GRID2: variants seen among roughly 807,000 people sequenced by gnomAD.
The protein encoded by GRID2 is glutamate receptor ionotropic, delta-2.
Under a neutral mutation model 114.8 loss-of-function variants are expected in GRID2, and 33 were observed. The ratio of observed to expected loss-of-function variants is 0.29; its 90% CI spans 0.22 to 0.38. The LOEUF is 0.38. Among genes scored for constraint, GRID2 ranks in the 10% least tolerant of loss-of-function variants. GRID2 has a pLI of 1.00. For missense variants in GRID2, 1,184 were observed against 1,257.7 expected (o/e 0.94, Z 0.89); for synonymous variants, 505 against 449.9 (o/e 1.12, Z -1.55).
At chr4:93,677,297 C>T (rs1035942712) in intron 14 of GRID2, among the ~76,000 whole-genome samples, 3 of 152,044 alleles carry the variant, frequency 2.0e-5, no homozygotes, top group Non-Finnish European at 4.4e-5. Context: ...GGGTGGAGCC[C>T]ACCACAGCTC....
intron 8 of GRID2, among the ~76,000 whole-genome samples, chr4:93,321,478 A>G (rs149635557): frequency 1.3e-5 from 2 of 152,100 alleles, no homozygotes; most frequent in African/African-American, 4.8e-5. Context: ...AGGGAAGAGG[A>G]TGTGTACAAT....
rs887835907 is a variant in GRID2 at position 92,703,466 on chromosome 4, CT to C, written c.244+113186del. Among the ~76,000 whole-genome samples, 22 of 151,884 alleles carry C rather than the reference CT, an allele frequency of 1.4e-4. 2 individuals carry two copies. The highest frequency in any genetic ancestry group is 1.2e-3 in the Admixed American group (19 of 15,248). On this transcript the variant is annotated intron_variant, in intron 2 of 15. Transcript: ENST00000282020. ...TGATGAAGGAACTGCCTTTAAAGAA[CT>C]TTTTTAATGTCCTTGTGACCTCCTA...
chr4:92,390,415 T>C (rs566881578), intron 1 of GRID2, among the ~76,000 whole-genome samples: 36 of 152,198 alleles, frequency 2.4e-4, no homozygotes, highest in African/African-American at 7.9e-4. Flanking sequence ...AAATATAGAA[T>C]TTAAGAAGAG....
chr4:92,886,792 A>AT (rs1328494477), intron 2 of GRID2, among the ~76,000 whole-genome samples: 1 of 151,776 alleles, frequency 6.6e-6, no homozygotes, highest in African/African-American at 2.4e-5. Flanking sequence ...CGTCCGGCTA[A>AT]TTTTTTGTAT....
intron 1 of GRID2, among the ~76,000 whole-genome samples, chr4:92,562,816 A>G (rs1320933435): frequency 6.6e-6 from 1 of 152,210 alleles, no homozygotes; most frequent in African/African-American, 2.4e-5. Context: ...CTATATTAAA[A>G]TATGTAATCG....
chr4:93,541,808 T>C (rs367723836), intron 13 of GRID2, among the ~76,000 whole-genome samples: 1 of 152,314 alleles, frequency 6.6e-6, no homozygotes, highest in South Asian at 2.1e-4. Context: ...CGTTTCATGA[T>C]ATCACTAATG....
At chr4:93,363,407 C>T (rs80181803) in intron 8 of GRID2, among the ~76,000 whole-genome samples, 126 of 152,190 alleles carry the variant, frequency 8.3e-4, no homozygotes, top group Middle Eastern at 3.4e-3. Flanking sequence ...ATGATTTTGT[C>T]CATTACAGCT....
intron 2 of GRID2, among the ~76,000 whole-genome samples, chr4:92,965,475 A>G (rs1471713897): frequency 1.1e-5 from 1 of 88,532 alleles, no homozygotes; most frequent in Admixed American, 1.4e-4. Context: ...AAAAAAAAAA[A>G]AAAAAAAAAA....
chr4:93,387,740 G>T (rs141777333), intron 8 of GRID2, among the ~76,000 whole-genome samples: 3 of 149,954 alleles, frequency 2.0e-5, no homozygotes, highest in East Asian at 2.0e-4. Context: ...TGAGGCAAGA[G>T]AATCGCTTGA....
At chr4:92,735,119 T>A (rs1736527829) in intron 2 of GRID2, among the ~76,000 whole-genome samples, 4 of 152,086 alleles carry the variant, frequency 2.6e-5, no homozygotes, top group Non-Finnish European at 5.9e-5. Flanking sequence ...ATGTTAGTAT[T>A]GAACATTTTA....
chr4:93,031,065 C>T (rs1440487890), intron 2 of GRID2, among the ~76,000 whole-genome samples: 3 of 132,668 alleles, frequency 2.3e-5, no homozygotes, highest in African/African-American at 2.8e-5. Context: ...GACATGGAGT[C>T]TCGCTCTGTC....
At chr4:92,591,349 C>A (rs1013871112) in intron 2 of GRID2, among the ~76,000 whole-genome samples, 46 of 152,256 alleles carry the variant, frequency 3.0e-4, no homozygotes, top group South Asian at 1.4e-3. Context: ...ATTTATGTTA[C>A]TTATAAATTA....
chr4:92,805,155 T>C (rs1740350281), intron 2 of GRID2, among the ~76,000 whole-genome samples: 2 of 152,034 alleles, frequency 1.3e-5, no homozygotes, highest in African/African-American at 2.4e-5. Flanking sequence ...TGTTTATCCT[T>C]CTAATAACTA....
chr4:93,705,562 C>G (rs933324728), intron 14 of GRID2, among the ~76,000 whole-genome samples: 1 of 151,988 alleles, frequency 6.6e-6, no homozygotes, highest in African/African-American at 2.4e-5. Context: ...TGTTTGAGCT[C>G]CCTATATATT....
At chr4:93,017,566 C>A (rs1374498970) in intron 2 of GRID2, among the ~76,000 whole-genome samples, 5 of 151,902 alleles carry the variant, frequency 3.3e-5, no homozygotes, top group Non-Finnish European at 2.9e-5. Context: ...ATAACCCCAG[C>A]ACTTTTGGGA....
intron 2 of GRID2, among the ~76,000 whole-genome samples, chr4:92,902,995 C>T (rs918344372): frequency 6.6e-6 from 1 of 151,932 alleles, no homozygotes; most frequent in Admixed American, 6.6e-5. Flanking sequence ...TGTGATGCCT[C>T]TAGATTTTTT....
At chr4:93,227,996 C>T (rs1262318353) in intron 7 of GRID2, among the ~76,000 whole-genome samples, 1 of 152,204 alleles carries the variant, frequency 6.6e-6, no homozygotes, top group Non-Finnish European at 1.5e-5. Flanking sequence ...TCTTAAAGCT[C>T]TATTCACAGC....
chr4:93,475,030 C>T (rs575707225), intron 11 of GRID2, among the ~76,000 whole-genome samples: 5 of 152,190 alleles, frequency 3.3e-5, no homozygotes, highest in East Asian at 1.9e-4. Context: ...TGATCCCCTT[C>T]CTCCCTGAGC....
chr4:93,267,148 T>G (rs1249422631), intron 8 of GRID2, among the ~76,000 whole-genome samples: 1 of 151,686 alleles, frequency 6.6e-6, no homozygotes, highest in Admixed American at 6.6e-5. Context: ...AGTGTTCCAT[T>G]GAATAGTACA....
Sources: gnomAD v4.1 joint callset for allele counts (sites outside exome capture counted in the v4.1 genomes callset) on GRCh38, gnomAD v4.1.1 for gene constraint, MANE v1.5 for transcripts, NCBI Gene and HGNC (gene_info 2026-07-23, HGNC 2026-07-21) for gene names.